EXT2: variants seen among roughly 807,000 people sequenced by gnomAD.
EXT2 encodes the protein exostosin glycosyltransferase 2.
Under a neutral mutation model 81.6 loss-of-function variants are expected in EXT2, and 53 were observed. The ratio of observed to expected loss-of-function variants is 0.65; its 90% confidence interval spans 0.52 to 0.82. The LOEUF is 0.82. Ranked by LOEUF, EXT2 falls within the 40% of genes least tolerant of loss-of-function variation. EXT2 has a pLI of 0.00. For synonymous variants in EXT2, 320 were observed against 340.0 expected, an observed-to-expected ratio of 0.94 and a Z score of 0.65; for missense variants, 774 against 910.2, an observed-to-expected ratio of 0.85 and a Z score of 1.93.
In EXT2 at chr11:44,245,212, T is replaced by G. The variant is rs1564992399; in HGVS notation, c.*925T>G. 2 of 228,312 alleles carry G rather than the reference T, an allele frequency of 8.8e-6. No individual in the cohort carries two copies. 14.1% of individuals were successfully genotyped at this position (228,312 alleles called of 1,614,324 possible). A position where few individuals can be genotyped will look rare whatever the true frequency, so the allele number is the denominator to read the frequency against. On this transcript the variant is annotated 3_prime_UTR_variant, in exon 14 of 14. Coordinates refer to ENST00000533608, the MANE Select transcript of EXT2 (RefSeq NM_207122.2). The stretch of plus-strand genomic sequence containing the variant: ...TTGTCAGAGAAAAACAGAGGGTCTG[T>G]ACTAGCCATGCAAGGAGTCGCTCTA...
In EXT2 at chr11:44,107,709, C is replaced by G. The variant is rs1350648172; in HGVS notation, c.-4C>G. The G allele has an allele frequency of 6.2e-7, 1 of 1,613,788 alleles. No individual in the cohort carries two copies. The highest frequency in any genetic ancestry group is 8.5e-7 in the Non-Finnish European group (1 of 1,179,842). ...AGTGTGAGGAAGAGGCTGTCTGTGTCATTATGTGTGCGTCGGTCAAGTATA... is the reference window on the plus strand; with the variant it reads ...AGTGTGAGGAAGAGGCTGTCTGTGTGATTATGTGTGCGTCGGTCAAGTATA... On this transcript the variant is annotated 5_prime_UTR_variant, in exon 2 of 14. Transcript: ENST00000533608.
In EXT2 at chr11:44,154,305, C is replaced by A. The variant is rs554859323; in HGVS notation, c.1174-17306C>A. The stretch of plus-strand genomic sequence containing the variant: ...ACTTACCACTCCCCACCCTTCCCAG[C>A]CTCTGGTGATCATCATTCTACCTTC... On this transcript the variant is annotated intron_variant, in intron 7 of 13. Transcript: ENST00000533608. Among the ~76,000 whole-genome samples, 15 of 152,190 alleles carry A rather than the reference C, an allele frequency of 9.9e-5. 1 individual carries two copies. Among genetic ancestry groups the A allele is most frequent in the Admixed American group, 3.9e-4 (6 of 15,292 alleles).
At chr11:44,126,231 A>AT (rs199973178) in intron 5 of EXT2, among the ~76,000 whole-genome samples, 63 of 152,178 alleles carry the variant, frequency 4.1e-4, no homozygotes, top group Non-Finnish European at 5.6e-4. Flanking sequence ...TTTTCATTAG[A>AT]TTTTTTTTAT....
intron 12 of EXT2, 134 bp downstream of exon 12, chr11:44,234,377 ATGAT>A (rs1564987509): frequency 5.8e-6 from 5 of 861,658 alleles, no homozygotes; most frequent in East Asian, 2.7e-5. Context: ...TTAAGGTTCT[ATGAT>A]TGATGCGGTC....
intron 13 of EXT2, among the ~76,000 whole-genome samples, chr11:44,241,819 C>G (rs1956040870): frequency 6.6e-6 from 1 of 152,202 alleles, no homozygotes; most frequent in Non-Finnish European, 1.5e-5. Context: ...TCCTGTCTCC[C>G]CTAACCTGCT....
intron 8 of EXT2, among the ~76,000 whole-genome samples, chr11:44,192,007 G>GA: frequency 6.6e-6 from 1 of 152,130 alleles, no homozygotes; most frequent in East Asian, 1.9e-4. Context: ...CAAAAGAAAC[G>GA]AAAAAGCTAG....
chr11:44,188,351 A>G (rs1387150574), intron 8 of EXT2, among the ~76,000 whole-genome samples: 4 of 152,318 alleles, frequency 2.6e-5, no homozygotes, highest in African/African-American at 9.6e-5. Flanking sequence ...TCTTGGATGA[A>G]GCTAGGAAAC....
chr11:44,119,124 TTATATATATATATATA>T (rs200249806), intron 4 of EXT2, among the ~76,000 whole-genome samples: 1,501 of 25,632 alleles, frequency 0.059, 82 homozygotes, highest in Middle Eastern at 0.11. Flanking sequence ...ATTTGGCTAT[TTATATATATATATATA>T]TATATATATA....
intron 4 of EXT2, among the ~76,000 whole-genome samples, chr11:44,121,815 C>T (rs1954320995): frequency 1.3e-5 from 2 of 152,116 alleles, no homozygotes; most frequent in African/African-American, 4.8e-5. Context: ...CCTAACCTCA[C>T]TTGGTCTCCA....
At chr11:44,188,932 C>T (rs1393530747) in intron 8 of EXT2, among the ~76,000 whole-genome samples, 2 of 152,150 alleles carry the variant, frequency 1.3e-5, no homozygotes, top group Non-Finnish European at 2.9e-5. Flanking sequence ...GCCGCAGATC[C>T]AGGAAGACTA....
intron 4 of EXT2, among the ~76,000 whole-genome samples, chr11:44,118,174 G>A (rs1954249359): frequency 6.6e-6 from 1 of 152,184 alleles, no homozygotes; most frequent in Non-Finnish European, 1.5e-5. Context: ...TATGATAGCT[G>A]ATGCTGTTTC....
chr11:44,143,033 C>A (rs765116588), intron 7 of EXT2, among the ~76,000 whole-genome samples: 99 of 152,340 alleles, frequency 6.5e-4, no homozygotes, highest in Non-Finnish European at 1.2e-3. Context: ...CTCACTGCAA[C>A]TTCTGCCTCC....
chr11:44,188,142 A>T (rs1360910752), intron 8 of EXT2, among the ~76,000 whole-genome samples: 1 of 152,358 alleles, frequency 6.6e-6, no homozygotes, highest in Middle Eastern at 3.4e-3. Flanking sequence ...CTGAGCTGGC[A>T]GGAAAGTAAG....
intron 10 of EXT2, among the ~76,000 whole-genome samples, chr11:44,208,127 T>C (rs964607164): frequency 2.6e-5 from 4 of 152,208 alleles, no homozygotes; most frequent in Non-Finnish European, 4.4e-5. Context: ...TGATATTTAG[T>C]ATACTATTAT....
At chr11:44,209,130 A>G (rs117403469) in intron 10 of EXT2, among the ~76,000 whole-genome samples, 1 of 152,318 alleles carries the variant, frequency 6.6e-6, no homozygotes, top group East Asian at 1.9e-4. Context: ...CTACTTCATG[A>G]GGTTATTATT....
At chr11:44,136,844 G>A (rs914502629) in intron 7 of EXT2, among the ~76,000 whole-genome samples, 3 of 152,126 alleles carry the variant, frequency 2.0e-5, no homozygotes, top group African/African-American at 7.2e-5. Context: ...CCCTTAAACA[G>A]TGCACATTGA....
intron 1 of EXT2, among the ~76,000 whole-genome samples, chr11:44,101,418 A>G (rs912146535): frequency 7.2e-5 from 11 of 152,228 alleles, no homozygotes; most frequent in Non-Finnish European, 1.5e-4. Flanking sequence ...TCTACTGAGT[A>G]GGGATGCTAT....
At chr11:44,096,178 C>G in intron 1 of EXT2, 1 of 1,395,904 alleles carries the variant, frequency 7.2e-7, no homozygotes, top group Non-Finnish European at 9.8e-7. Flanking sequence ...ACCCGCCCTC[C>G]GCCCTCCGCC....
At chr11:44,236,220 G>C (rs1211130328) in intron 12 of EXT2, 73 bp from the exon 13 acceptor site, 6 of 1,281,744 alleles carry the variant, frequency 4.7e-6, no homozygotes, top group Non-Finnish European at 5.7e-6. Flanking sequence ...AAAGAATGCA[G>C]TGTGGTGTCA....
Sources: gnomAD v4.1 joint callset for allele counts (sites outside exome capture counted in the v4.1 genomes callset) on GRCh38, gnomAD v4.1.1 for gene constraint, MANE v1.5 for transcripts, NCBI Gene and HGNC (gene_info 2026-07-23, HGNC 2026-07-21) for gene names.